SH3PXD2A: variants seen among roughly 807,000 people sequenced by gnomAD.
SH3PXD2A encodes SH3 and PX domains 2A.
SH3PXD2A carries 32 observed loss-of-function variants against 115.2 expected under a neutral mutation model. The observed-to-expected ratio is 0.28, with a 90% CI of 0.21 to 0.37. SH3PXD2A has a LOEUF of 0.37. SH3PXD2A is among the 10% of genes least tolerant of loss of function. The pLI is 1.00. For missense variants in SH3PXD2A, 1,328 were observed against 1,498.7 expected (o/e 0.89, Z 1.88); for synonymous variants, 610 against 629.1 (o/e 0.97, Z 0.45).
intron 8 of SH3PXD2A, among the ~76,000 whole-genome samples, chr10:103,636,907 T>C (rs1379997424): frequency 1.3e-5 from 2 of 152,074 alleles, no homozygotes; most frequent in African/African-American, 4.8e-5. Flanking sequence ...GGATCCTAGC[T>C]TTACCACTCA....
chr10:103,679,774 C>G (rs1490031271), intron 6 of SH3PXD2A, among the ~76,000 whole-genome samples: 3 of 152,164 alleles, frequency 2.0e-5, no homozygotes, highest in Non-Finnish European at 4.4e-5. Flanking sequence ...CTGTTGTCAC[C>G]AGCCTGTCAT....
chr10:103,622,096 T>C (rs2036614763), intron 10 of SH3PXD2A, among the ~76,000 whole-genome samples: 1 of 152,156 alleles, frequency 6.6e-6, no homozygotes, highest in Admixed American at 6.5e-5. Context: ...GGGAGTGGGA[T>C]GGCCCCAGCA....
intron 13 of SH3PXD2A, 72 bp from the exon 14 acceptor site, chr10:103,605,989 C>A (rs2036294092): frequency 1.3e-6 from 2 of 1,552,498 alleles, no homozygotes; most frequent in Admixed American, 1.8e-5. Context: ...GGGTTGGTCC[C>A]CACTCAGTCC....
intron 9 of SH3PXD2A, among the ~76,000 whole-genome samples, chr10:103,624,414 G>A (rs957424040): frequency 1.3e-5 from 2 of 152,136 alleles, no homozygotes; most frequent in African/African-American, 2.4e-5. Flanking sequence ...AAATGAACCC[G>A]AGGGCTTGAC....
At chr10:103,660,756 C>T (rs923133227) in intron 8 of SH3PXD2A, among the ~76,000 whole-genome samples, 1 of 152,256 alleles carries the variant, frequency 6.6e-6, no homozygotes, top group African/African-American at 2.4e-5. Flanking sequence ...GCAATTAACA[C>T]AGGCTGGTTA....
chr10:103,789,974 C>A (rs1305079694), intron 2 of SH3PXD2A, among the ~76,000 whole-genome samples: 1 of 152,126 alleles, frequency 6.6e-6, no homozygotes, highest in African/African-American at 2.4e-5. Context: ...CTCCAGGAAG[C>A]AGCTGAGCCT....
chr10:103,808,112 G>A (rs575156095), intron 1 of SH3PXD2A, among the ~76,000 whole-genome samples: 10 of 152,220 alleles, frequency 6.6e-5, no homozygotes, highest in African/African-American at 2.4e-4. Context: ...CCACCCAGCA[G>A]AGCAGAGGAC....
intron 8 of SH3PXD2A, among the ~76,000 whole-genome samples, chr10:103,651,487 T>G (rs945611096): frequency 6.6e-6 from 1 of 152,222 alleles, no homozygotes; most frequent in East Asian, 1.9e-4. Context: ...ACTCTGGAGT[T>G]TGGCTTTGCA....
intron 1 of SH3PXD2A, among the ~76,000 whole-genome samples, chr10:103,826,307 G>C (rs1374465342): frequency 6.6e-6 from 1 of 152,112 alleles, no homozygotes; most frequent in Non-Finnish European, 1.5e-5. Context: ...TCCAAGTGAG[G>C]ATACTTGGGC....
At chr10:103,840,735 T>C (rs775259058) in intron 1 of SH3PXD2A, among the ~76,000 whole-genome samples, 6 of 152,242 alleles carry the variant, frequency 3.9e-5, no homozygotes, top group Non-Finnish European at 7.3e-5. Flanking sequence ...CTCTGAGTAA[T>C]GGAAGGACCA....
intron 1 of SH3PXD2A, among the ~76,000 whole-genome samples, chr10:103,803,137 A>C (rs1181081584): frequency 6.6e-6 from 1 of 152,224 alleles, no homozygotes; most frequent in Non-Finnish European, 1.5e-5. Flanking sequence ...ACACAGAGGC[A>C]GACTCATGCC....
chr10:103,736,653 T>C lies in SH3PXD2A; in HGVS notation c.230-845A>G, dbSNP rs369826545. 14 of 702,566 alleles carry C rather than the reference T, an allele frequency of 2.0e-5. No individual in the cohort carries two copies. In the African/African-American group the frequency reaches 2.6e-4, roughly 13 times the overall value. The allele number at this position is 702,566 out of a possible 1,614,324, so 43.5% of individuals were successfully genotyped here. ...CCTTGATTGGCTGAGCTGGGAGTAA[T>C]GTCCCTCTTTCCAGAACATCCACAA... On this transcript the variant is annotated intron_variant, in intron 3 of 14. Transcript: ENST00000369774.
chr10:103,793,643 C>T (rs1408638358), intron 2 of SH3PXD2A, among the ~76,000 whole-genome samples: 1 of 152,248 alleles, frequency 6.6e-6, no homozygotes, highest in Non-Finnish European at 1.5e-5. Flanking sequence ...ATGCTCAGCA[C>T]ATTCTGGAGC....
intron 3 of SH3PXD2A, among the ~76,000 whole-genome samples, chr10:103,748,325 C>T (rs922149347): frequency 6.6e-6 from 1 of 152,204 alleles, no homozygotes; most frequent in Admixed American, 6.5e-5. Context: ...TTTGGGCAGA[C>T]TGAACATGCC....
intron 1 of SH3PXD2A, among the ~76,000 whole-genome samples, chr10:103,819,152 T>C (rs2039352510): frequency 6.6e-6 from 1 of 152,212 alleles, no homozygotes; most frequent in South Asian, 2.1e-4. Flanking sequence ...TGCTAGACAC[T>C]GGCAACACAA....
At chr10:103,675,145 C>T (rs1444636211) in intron 6 of SH3PXD2A, among the ~76,000 whole-genome samples, 1 of 152,218 alleles carries the variant, frequency 6.6e-6, no homozygotes, top group African/African-American at 2.4e-5. Context: ...CCTGCTCCTA[C>T]ACTCAGAGCC....
chr10:103,827,122 AG>A (rs924195800), intron 1 of SH3PXD2A, among the ~76,000 whole-genome samples: 33 of 152,078 alleles, frequency 2.2e-4, no homozygotes, highest in African/African-American at 7.0e-4. Context: ...CAGGGAGCTC[AG>A]GGTGGATGAG....
At chr10:103,819,976 G>A (rs1459067958) in intron 1 of SH3PXD2A, among the ~76,000 whole-genome samples, 1 of 152,230 alleles carries the variant, frequency 6.6e-6, no homozygotes, top group East Asian at 1.9e-4. Flanking sequence ...GGTTCCCCAG[G>A]GAGACCCTAG....
At chr10:103,828,868 G>A (rs1406623206) in intron 1 of SH3PXD2A, among the ~76,000 whole-genome samples, 2 of 152,172 alleles carry the variant, frequency 1.3e-5, no homozygotes, top group African/African-American at 4.8e-5. Context: ...CGATACATAC[G>A]TTGGTGCATT....
Sources: gnomAD v4.1 joint callset for allele counts (sites outside exome capture counted in the v4.1 genomes callset) on GRCh38, gnomAD v4.1.1 for gene constraint, MANE v1.5 for transcripts, NCBI Gene and HGNC (gene_info 2026-07-23, HGNC 2026-07-21) for gene names.